The following SUCLG1 variants were observed in gnomAD, a reference collection of about 807,000 sequenced individuals.
The protein encoded by SUCLG1 is succinate-CoA ligase GDP/ADP-forming subunit alpha, also known as succinate--CoA ligase [ADP/GDP-forming] subunit alpha, mitochondrial.
SUCLG1 carries 26 observed loss-of-function variants against 37.3 expected under a neutral mutation model. That is an observed-to-expected ratio of 0.70 (90% CI 0.51 to 0.97). The LOEUF is 0.97. Ranked by LOEUF, SUCLG1 falls within the 50% of genes least tolerant of loss-of-function variation. The pLI is 0.00. For synonymous variants in SUCLG1, 163 were observed against 155.6 expected (o/e 1.05, Z -0.36); for missense variants, 433 against 432.9 (o/e 1.00, Z 0.00).
In SUCLG1 at chr2:84,423,666, A is replaced by G. The variant is rs1301709104; in HGVS notation, c.*80T>C. ...TGTCAGGCACATAGGCTGATTAATC[A>G]GTGGACAACAGAAGCAAACTGCTGC... On this transcript the variant is annotated 3_prime_UTR_variant, in exon 9 of 9. Coordinates refer to ENST00000393868, the MANE Select transcript of SUCLG1 (RefSeq NM_003849.4). 1.4e-6 allele frequency: 2 copies of G among 1,382,312 alleles called. No individual in the cohort carries two copies. The highest frequency in any genetic ancestry group is 2.0e-6 in the Non-Finnish European group (2 of 985,566). The allele number at this position is 1,382,312 out of a possible 1,614,324, so 85.6% of individuals were successfully genotyped here.
chr2:84,449,875 T>A, intron 1 of SUCLG1, 123 bp from the exon 2 acceptor site: 1 of 682,580 alleles, frequency 1.5e-6, no homozygotes, highest in Admixed American at 2.9e-5. Flanking sequence ...TATCCTGTGA[T>A]CACGGCAAAC....
At chr2:84,448,876 A>G in intron 2 of SUCLG1, 1 of 312,364 alleles carries the variant, frequency 3.2e-6, no homozygotes, top group Middle Eastern at 4.8e-4. Context: ...AACACATATT[A>G]TATAAATATG....
At chr2:84,449,786 AAGAC>A in intron 1 of SUCLG1, 34 bp from the exon 2 acceptor site, 1 of 1,090,518 alleles carries the variant, frequency 9.2e-7, no homozygotes. Context: ...AAAAAAAAAA[AAGAC>A]ACATTATAAT....
chr2:84,427,338 T>C (rs1017517643), intron 7 of SUCLG1, among the ~76,000 whole-genome samples: 6 of 152,364 alleles, frequency 3.9e-5, no homozygotes, highest in South Asian at 2.1e-4. Flanking sequence ...TCTGAAACCA[T>C]AGCAGTGAAC....
At chr2:84,455,439 A>G (rs1239520017) in intron 1 of SUCLG1, among the ~76,000 whole-genome samples, 1 of 152,014 alleles carries the variant, frequency 6.6e-6, no homozygotes, top group Non-Finnish European at 1.5e-5. Context: ...GGATGCGGTG[A>G]GCTGAGATTG....
chr2:84,423,910 T>A, intron 8 of SUCLG1, 138 bp from the exon 9 acceptor site: 2 of 918,870 alleles, frequency 2.2e-6, no homozygotes, highest in Non-Finnish European at 3.3e-6. Context: ...AAGAAAAATG[T>A]ACCAGGATGA....
At chr2:84,455,447 T>C (rs925586889) in intron 1 of SUCLG1, among the ~76,000 whole-genome samples, 5 of 151,904 alleles carry the variant, frequency 3.3e-5, no homozygotes, top group African/African-American at 1.2e-4. Flanking sequence ...TGAGCTGAGA[T>C]TGTGCCATTG....
Position 84,459,166 on chromosome 2 carries a change from G to T in SUCLG1, c.97+7C>A. On this transcript the variant is annotated splice_region_variant and intron_variant, in intron 1 of 8. Transcript: ENST00000393868. ...GGCGCCAGGAAGACAGTACTGGCTG[G>T]ACTCACGGAGGAAGCTGCGCGACAG... 6.5e-7 allele frequency: 1 copy of T among 1,549,158 alleles called. No individual in the cohort carries two copies. Among genetic ancestry groups the T allele is most frequent in the South Asian group, 1.2e-5 (1 of 83,962 alleles).
At chr2:84,423,981 A>G (rs1363272237) in intron 8 of SUCLG1, among the ~76,000 whole-genome samples, 1 of 152,240 alleles carries the variant, frequency 6.6e-6, no homozygotes, top group Non-Finnish European at 1.5e-5. Flanking sequence ...GAATTTCACG[A>G]AACAGATGCA....
chr2:84,451,638 G>A lies in SUCLG1; in HGVS notation c.98-1886C>T, dbSNP rs1057204669. Reference sequence around the variant, plus strand: ...AAGATTTTACAACATCAGATCTTTGGTGCTCATAAAAAGTGTATCAGAAGT... The same window carrying A: ...AAGATTTTACAACATCAGATCTTTGATGCTCATAAAAAGTGTATCAGAAGT... On this transcript the variant is annotated intron_variant, in intron 1 of 8. Transcript: ENST00000393868. 1.3e-5 allele frequency among the ~76,000 whole-genome samples: 2 copies of A among 152,134 alleles called. 1 individual carries two copies. The highest frequency in any genetic ancestry group is 4.8e-5 in the African/African-American group (2 of 41,430).
chr2:84,444,722 T>C (rs988534277), intron 2 of SUCLG1, among the ~76,000 whole-genome samples: 7 of 152,152 alleles, frequency 4.6e-5, no homozygotes, highest in African/African-American at 1.4e-4. Flanking sequence ...ATTTCATCCC[T>C]ACAGCTGCAA....
chr2:84,457,138 G>A (rs976788247), intron 1 of SUCLG1, among the ~76,000 whole-genome samples: 1 of 152,144 alleles, frequency 6.6e-6, no homozygotes, highest in African/African-American at 2.4e-5. Context: ...AACATCTGTA[G>A]CTCTATTAGC....
chr2:84,444,429 G>A (rs548371378), intron 2 of SUCLG1, among the ~76,000 whole-genome samples: 5 of 152,292 alleles, frequency 3.3e-5, no homozygotes, highest in South Asian at 4.1e-4. Context: ...ATTTTCAAAA[G>A]GGGAGGGAGT....
At chr2:84,448,833 AAT>A (rs1672890680) in intron 2 of SUCLG1, 1 of 213,356 alleles carries the variant, frequency 4.7e-6, no homozygotes, top group South Asian at 8.0e-5. Flanking sequence ...ACGTTATATA[AAT>A]ATATATAATT....
chr2:84,443,519 T>C (rs894252838), intron 2 of SUCLG1, 119 bp from the exon 3 acceptor site: 55 of 853,872 alleles, frequency 6.4e-5, no homozygotes, highest in Non-Finnish European at 1.0e-4. Context: ...TCCCAGACAA[T>C]AACATATATT....
chr2:84,443,195 CA>C, intron 3 of SUCLG1, 88 bp downstream of exon 3: 1 of 1,200,182 alleles, frequency 8.3e-7, no homozygotes, highest in Non-Finnish European at 1.2e-6. Flanking sequence ...GTGACTCTAC[CA>C]AAAAAACATA....
At chr2:84,425,336 T>C (rs1672515463) in intron 8 of SUCLG1, 79 bp downstream of exon 8, 1 of 1,566,488 alleles carries the variant, frequency 6.4e-7, no homozygotes, top group South Asian at 1.1e-5. Context: ...GCAAAGGCCA[T>C]GATTTCCAGG....
chr2:84,449,666 C>G lies in SUCLG1; in HGVS notation c.184G>C (p.Gly62Arg). Reference sequence around the variant, plus strand: ...ATACATACCTGTTTGCCAGTGAAACCCTGGCAAATAATCTTTGTATTTTTA... The same window carrying G: ...ATACATACCTGTTTGCCAGTGAAACGCTGGCAAATAATCTTTGTATTTTTA... Reference protein sequence around the residue: ...VDKNTKIICQGFTGKQGTFHS... With the variant: ...VDKNTKIICQRFTGKQGTFHS... The change falls in exon 2 of 9, where the codon GGT (glycine) becomes CGT (arginine). Residue 62 changes from glycine (G) to arginine (R), a missense_variant. Transcript: ENST00000393868. 1 of 1,595,046 alleles carries G rather than the reference C, an allele frequency of 6.3e-7. No homozygotes were observed. The highest frequency in any genetic ancestry group is 8.5e-7 in the Non-Finnish European group (1 of 1,171,460).
chr2:84,431,125 T>C (rs961602760), intron 7 of SUCLG1, among the ~76,000 whole-genome samples: 1 of 152,150 alleles, frequency 6.6e-6, no homozygotes, highest in African/African-American at 2.4e-5. Flanking sequence ...GATCTTTAGG[T>C]CAGCCTTGAA....
Sources: gnomAD v4.1 joint callset for allele counts (sites outside exome capture counted in the v4.1 genomes callset) on GRCh38, gnomAD v4.1.1 for gene constraint, MANE v1.5 for transcripts, NCBI Gene and HGNC (gene_info 2026-07-23, HGNC 2026-07-21) for gene names.